The following PRSS23 variants were observed in gnomAD, a reference collection of about 807,000 sequenced individuals.
The protein encoded by PRSS23 is serine protease 23.
In PRSS23, 25 loss-of-function variants were observed where a neutral mutation model predicts 34.7. The ratio of observed to expected loss-of-function variants is 0.72; its 90% CI spans 0.53 to 1.01. PRSS23 has a LOEUF of 1.01. Ranked by LOEUF, PRSS23 falls within the 50% of genes least tolerant of loss-of-function variation. The probability of loss-of-function intolerance (pLI) is 0.00; values close to 1 mark genes in which losing one functional copy is unlikely to be tolerated. For synonymous variants in PRSS23, 176 were observed against 186.6 expected (o/e 0.94, Z 0.46); for missense variants, 445 against 475.6 (o/e 0.94, Z 0.60).
At chr11:86,814,168 A>C (rs946160552), downstream of PRSS23, among the ~76,000 whole-genome samples, 3 of 152,242 alleles carry the variant, frequency 2.0e-5, no homozygotes, top group East Asian at 5.8e-4. Flanking sequence ...CCAAATGCCA[A>C]TGTCAAATGA....
chr11:86,916,854 T>A (rs909138628), intron 2 of PRSS23, among the ~76,000 whole-genome samples: 1 of 152,114 alleles, frequency 6.6e-6, no homozygotes, highest in African/African-American at 2.4e-5. Context: ...GTAAAACTTA[T>A]ACGTCTGCCA....
chr11:86,915,802 G>A (rs982314970), intron 2 of PRSS23, among the ~76,000 whole-genome samples: 5 of 151,860 alleles, frequency 3.3e-5, no homozygotes, highest in East Asian at 1.9e-4. Flanking sequence ...TAATCCCAGC[G>A]CTTTGGGAGA....
At chr11:86,912,570 T>C (rs1010885625) in intron 2 of PRSS23, among the ~76,000 whole-genome samples, 2 of 152,222 alleles carry the variant, frequency 1.3e-5, no homozygotes, top group African/African-American at 4.8e-5. Flanking sequence ...TGAAGTTCAA[T>C]CAGGGAATTT....
At chr11:86,902,715 A>T (rs1156416407) in intron 2 of PRSS23, among the ~76,000 whole-genome samples, 2 of 152,230 alleles carry the variant, frequency 1.3e-5, no homozygotes, top group African/African-American at 4.8e-5. Context: ...AAACAACATG[A>T]TATCAAGACA....
In PRSS23 at chr11:86,843,548, C is replaced by A. The variant is rs546249598; in HGVS notation, c.206+19955C>A. On this transcript the variant is annotated intron_variant, in intron 2 of 2. Transcript: ENST00000533902. ...CTGACAAAGGGCTAATATCCAGAAT[C>A]TACAATGAACTTAAACAAATTTACA... Among the ~76,000 whole-genome samples, 3 of 152,246 alleles carry A rather than the reference C, an allele frequency of 2.0e-5. No individual in the cohort carries two copies. In the South Asian group the frequency reaches 6.2e-4, roughly 32 times the overall value.
chr11:86,812,498 CAG>C (rs571152564), downstream of PRSS23, among the ~76,000 whole-genome samples: 49 of 152,264 alleles, frequency 3.2e-4, no homozygotes, highest in Admixed American at 7.8e-4. Context: ...CAAGAGTAAA[CAG>C]GGGTTGGCCG....
At chr11:86,943,976 T>G (rs555628987) in intron 2 of PRSS23, among the ~76,000 whole-genome samples, 1 of 152,068 alleles carries the variant, frequency 6.6e-6, no homozygotes, top group African/African-American at 2.4e-5. Context: ...CCTGACCTCA[T>G]GTGATCTGCC....
chr11:86,856,507 G>A (rs1469433741), intron 2 of PRSS23, among the ~76,000 whole-genome samples: 2 of 152,150 alleles, frequency 1.3e-5, no homozygotes, highest in Non-Finnish European at 2.9e-5. Context: ...CCTAGAAGCA[G>A]TTTATAAGGA....
intron 2 of PRSS23, among the ~76,000 whole-genome samples, chr11:86,858,752 G>T (rs1038851148): frequency 6.6e-6 from 1 of 151,662 alleles, no homozygotes; most frequent in South Asian, 2.1e-4. Context: ...CTAATATCTA[G>T]AGTAAAATAG....
At chr11:86,883,170 G>A (rs1216786134) in intron 2 of PRSS23, among the ~76,000 whole-genome samples, 16 of 152,094 alleles carry the variant, frequency 1.1e-4, no homozygotes, top group Non-Finnish European at 4.4e-5. Context: ...TTACTCCGTT[G>A]AAAAAAGAGT....
At position 86,876,805 on chromosome 11, in the gene PRSS23, TTAAAAGCC is replaced by T. The variant is rs142224136; in HGVS notation, c.206+53216_206+53223del. Among the ~76,000 whole-genome samples the T allele has an allele frequency of 7.1e-3, 1,043 of 147,310 alleles. 10 individuals are homozygous for T. Among genetic ancestry groups the T allele is most frequent in the African/African-American group, 0.026 (1,011 of 39,010 alleles). ...CCCATGCAAAATGATCTAATAAAAATTAAAAGCCTAATTTCTAAGAAAACCAATTAGAA... is the reference window on the plus strand; with the variant it reads ...CCCATGCAAAATGATCTAATAAAAATTAATTTCTAAGAAAACCAATTAGAA... On this transcript the variant is annotated intron_variant, in intron 2 of 2. Transcript: ENST00000533902.
At chr11:86,832,673 C>A (rs1488137402) in intron 2 of PRSS23, 3 of 395,962 alleles carry the variant, frequency 7.6e-6, no homozygotes, top group Non-Finnish European at 9.9e-6. Context: ...CACATCTGAA[C>A]TCAGGTACCC....
At chr11:86,861,694 G>A (rs985107964) in intron 2 of PRSS23, among the ~76,000 whole-genome samples, 1 of 151,410 alleles carries the variant, frequency 6.6e-6, no homozygotes, top group Non-Finnish European at 1.5e-5. Context: ...CCCAAGGGGG[G>A]TAGAGGTTGA....
intron 2 of PRSS23, among the ~76,000 whole-genome samples, chr11:86,830,543 G>T (rs375726091): frequency 6.6e-6 from 1 of 152,148 alleles, no homozygotes; most frequent in Non-Finnish European, 1.5e-5. Context: ...GGTGAACCTG[G>T]TACCTCAGAT....
intron 2 of PRSS23, among the ~76,000 whole-genome samples, chr11:86,849,860 C>A (rs1282323171): frequency 2.0e-5 from 3 of 152,154 alleles, no homozygotes; most frequent in Non-Finnish European, 4.4e-5. Context: ...CCTACAAAGC[C>A]AGCTTAATTC....
chr11:86,824,604 T>G (rs1430678828), intron 2 of PRSS23, among the ~76,000 whole-genome samples: 2 of 149,706 alleles, frequency 1.3e-5, no homozygotes, highest in East Asian at 2.0e-4. Context: ...GCATTAGGTA[T>G]ATCTCCTAAA....
At chr11:86,899,363 A>G (rs947174207) in intron 2 of PRSS23, among the ~76,000 whole-genome samples, 1 of 152,098 alleles carries the variant, frequency 6.6e-6, no homozygotes. Flanking sequence ...TACAAAACAT[A>G]CAAAAATTAG....
At chr11:86,857,078 CTGTT>C in intron 2 of PRSS23, 1 of 204,920 alleles carries the variant, frequency 4.9e-6, no homozygotes, top group Non-Finnish European at 9.6e-6. Flanking sequence ...TGAGATTTGA[CTGTT>C]CTGCTGCGCA....
chr11:86,931,630 A>G (rs1253381181), intron 2 of PRSS23, among the ~76,000 whole-genome samples: 1 of 152,202 alleles, frequency 6.6e-6, no homozygotes, highest in Non-Finnish European at 1.5e-5. Flanking sequence ...GGCGATGGAA[A>G]TATTGTATCT....
Sources: gnomAD v4.1 joint callset for allele counts (sites outside exome capture counted in the v4.1 genomes callset) on GRCh38, gnomAD v4.1.1 for gene constraint, MANE v1.5 for transcripts, NCBI Gene and HGNC (gene_info 2026-07-23, HGNC 2026-07-21) for gene names.